The following CELF5 variants were observed in gnomAD, a reference collection of about 807,000 sequenced individuals.
The protein encoded by CELF5 is CUG-BP and ETR-3 like factor 5.
A neutral mutation model predicts 54.9 loss-of-function variants in CELF5; 6 were observed. That is an observed-to-expected ratio of 0.11 (90% CI 0.06 to 0.22). CELF5 has a LOEUF of 0.22. Ranked by LOEUF, CELF5 falls within the 10% of genes least tolerant of loss-of-function variation. The pLI is 1.00. For missense variants in CELF5, 401 were observed against 678.6 expected, an observed-to-expected ratio of 0.59 and a Z score of 4.54; for synonymous variants, 271 against 290.9, an observed-to-expected ratio of 0.93 and a Z score of 0.70.
chr19:3,275,403 C>A lies in CELF5; in HGVS notation c.395-453C>A, dbSNP rs1483259186. Among the ~76,000 whole-genome samples, 4 of 152,238 alleles carry A rather than the reference C, an allele frequency of 2.6e-5. No homozygotes were observed. Among genetic ancestry groups the A allele is most frequent in the African/African-American group, 9.6e-5 (4 of 41,464 alleles). On this transcript the variant is annotated intron_variant, in intron 3 of 12. Coordinates refer to ENST00000292672, the MANE Select transcript of CELF5 (RefSeq NM_021938.4). This position sits in a 1 kb window ranked among gnomAD's most constrained non-coding sequence, Gnocchi z 6.7. Reference sequence around the variant, plus strand: ...CTGGGCACCGTGAAAGTGCGGGGACCATCAGTGCCCACCTCCGCCTGGCAG... The same window carrying A: ...CTGGGCACCGTGAAAGTGCGGGGACAATCAGTGCCCACCTCCGCCTGGCAG...
intron 1 of CELF5, among the ~76,000 whole-genome samples, chr19:3,241,283 A>ATG (rs1397399619): frequency 1.3e-5 from 2 of 148,498 alleles, no homozygotes. Context: ...GGGTTTCACC[A>ATG]TGTTGGCCAG....
At position 3,224,680 on chromosome 19, in the gene CELF5, C is replaced by G. The variant is rs1916784633; in HGVS notation, c.-60C>G. On this transcript the variant is annotated 5_prime_UTR_variant, in exon 1 of 13. Coordinates refer to ENST00000292672, the MANE Select transcript of CELF5 (RefSeq NM_021938.4). Reference sequence around the variant, plus strand: ...GGAGGCGGGAGGCGCGGCCGCCGCTCCAGCTGCGAGTCCGCCCGCCGCCCG... The same window carrying G: ...GGAGGCGGGAGGCGCGGCCGCCGCTGCAGCTGCGAGTCCGCCCGCCGCCCG... 2.0e-6 allele frequency: 2 copies of G among 988,408 alleles called. No individual in the cohort carries two copies. The highest frequency in any genetic ancestry group is 6.2e-5 in the Admixed American group (1 of 16,030). The allele number at this position is 988,408 out of a possible 1,614,324, so 61.2% of individuals were successfully genotyped here. A position where few individuals can be genotyped will look rare whatever the true frequency, so the allele number is the denominator to read the frequency against.
chr19:3,271,955 T>C (rs1003377494), intron 2 of CELF5, among the ~76,000 whole-genome samples: 2 of 152,144 alleles, frequency 1.3e-5, no homozygotes, highest in Admixed American at 1.3e-4. Flanking sequence ...CACCATGGCC[T>C]TACACAAATA....
chr19:3,293,483 C>G lies in CELF5; in HGVS notation c.*37C>G, dbSNP rs747904741. 2.2e-5 allele frequency: 35 copies of G among 1,603,808 alleles called. No individual in the cohort carries two copies. The highest frequency in any genetic ancestry group is 1.7e-4 in the Middle Eastern group (1 of 6,002). ...GCCGCCCTGAGGCTGTAGGCATGGCCCAGGTGAGCCGCCAGGCGGCCCCAC... is the reference window on the plus strand; with the variant it reads ...GCCGCCCTGAGGCTGTAGGCATGGCGCAGGTGAGCCGCCAGGCGGCCCCAC... On this transcript the variant is annotated 3_prime_UTR_variant, in exon 12 of 13. Transcript: ENST00000292672.
rs2080093503 is a variant in CELF5 at position 3,278,481 on chromosome 19, T to C, written c.603+371T>C. 6.6e-6 allele frequency among the ~76,000 whole-genome samples: 1 copy of C among 151,584 alleles called. No individual in the cohort carries two copies. The highest frequency in any genetic ancestry group is 1.5e-5 in the Non-Finnish European group (1 of 67,920). The stretch of plus-strand genomic sequence containing the variant: ...TACTAGTAGGCGAGTGTTATGTGAG[T>C]GCTGTGTGCACGAGGGGTGTGCGTA... On this transcript the variant is annotated intron_variant, in intron 5 of 12. Coordinates refer to ENST00000292672, the MANE Select transcript of CELF5 (RefSeq NM_021938.4). This position sits in a 1 kb window ranked among gnomAD's most constrained non-coding sequence, Gnocchi z 4.5.
chr19:3,259,034 G>A (rs147132146), intron 2 of CELF5, among the ~76,000 whole-genome samples: 8 of 152,294 alleles, frequency 5.3e-5, no homozygotes, highest in Non-Finnish European at 1.0e-4. Context: ...CTGCGTGGAC[G>A]ATTTAGTGAA....
intron 1 of CELF5, among the ~76,000 whole-genome samples, chr19:3,246,873 G>A (rs140272010): frequency 2.0e-5 from 3 of 152,298 alleles, no homozygotes; most frequent in African/African-American, 7.2e-5. Context: ...ACTCCCCCAT[G>A]ATGCACACAA....
At chr19:3,242,028 G>A (rs1260467866) in intron 1 of CELF5, among the ~76,000 whole-genome samples, 1 of 152,138 alleles carries the variant, frequency 6.6e-6, no homozygotes, top group South Asian at 2.1e-4. Context: ...ACCTGCCTTG[G>A]CCTCGCAAAA....
intron 3 of CELF5, 85 bp downstream of exon 3, chr19:3,274,008 A>C: frequency 7.1e-7 from 1 of 1,403,996 alleles, no homozygotes; most frequent in Admixed American, 1.7e-5. Context: ...TCTCTCCTGC[A>C]AAAGGGGCAG....
intron 2 of CELF5, among the ~76,000 whole-genome samples, chr19:3,265,157 C>G (rs368108269): frequency 1.3e-4 from 20 of 152,212 alleles, no homozygotes; most frequent in African/African-American, 4.3e-4. Context: ...GGCAACATAG[C>G]AAGACCCCAT....
rs2079437934 is a variant in CELF5 at position 3,237,845 on chromosome 19, C to A, written c.259+12847C>A. The stretch of plus-strand genomic sequence containing the variant: ...CGGGTGGATCACGAGGTCAGGAGAT[C>A]GAGACCATCCTGGCTAATACAGTGA... On this transcript the variant is annotated intron_variant, in intron 1 of 12. Coordinates refer to ENST00000292672, the MANE Select transcript of CELF5 (RefSeq NM_021938.4). Among the ~76,000 whole-genome samples the A allele has an allele frequency of 2.7e-5, 4 of 150,052 alleles. No homozygotes were observed. The South Asian group carries it at 8.5e-4, about 32-fold the overall frequency.
At chr19:3,235,944 G>T (rs1917582896) in intron 1 of CELF5, among the ~76,000 whole-genome samples, 1 of 152,164 alleles carries the variant, frequency 6.6e-6, no homozygotes. Context: ...GAAATTTCTG[G>T]TGTAGTGATG....
At chr19:3,234,357 C>G (rs1917420331) in intron 1 of CELF5, among the ~76,000 whole-genome samples, 1 of 152,112 alleles carries the variant, frequency 6.6e-6, no homozygotes, top group African/African-American at 2.4e-5. Context: ...CCTTGGCCTC[C>G]CAAAGCATTG....
At position 3,246,233 on chromosome 19, in the gene CELF5, G is replaced by A. The variant is rs148663031; in HGVS notation, c.260-4752G>A. On this transcript the variant is annotated intron_variant, in intron 1 of 12. Transcript: ENST00000292672. Reference sequence around the variant, plus strand: ...ACAAAAGTTAGCCGGGCATGGTGGCGGACACCTGTAATCCCAGCTACTTGG... The same window carrying A: ...ACAAAAGTTAGCCGGGCATGGTGGCAGACACCTGTAATCCCAGCTACTTGG... Among the ~76,000 whole-genome samples, 297 of 152,154 alleles carry A rather than the reference G, an allele frequency of 2.0e-3. 2 individuals are homozygous for A. The East Asian group carries it at 0.022, about 11-fold the overall frequency.
chr19:3,286,840 C>T (rs1224706775), intron 10 of CELF5: 2 of 151,406 alleles, frequency 1.3e-5, no homozygotes, highest in African/African-American at 4.9e-5. Context: ...CGAGACCATC[C>T]TGGCTAACAC....
At chr19:3,251,101 CA>C (rs2079641191) in intron 2 of CELF5, 34 bp downstream of exon 2, 6 of 1,538,460 alleles carry the variant, frequency 3.9e-6, no homozygotes, top group Non-Finnish European at 5.4e-6. Flanking sequence ...GAGGAGGGGA[CA>C]GGGGATGGCT....
chr19:3,296,207 G>T (rs1463337611), intron 12 of CELF5: 1 of 151,492 alleles, frequency 6.6e-6, no homozygotes, highest in East Asian at 1.9e-4. Flanking sequence ...CCTCTGTACA[G>T]CTGCCCAATC....
rs764454988 is a variant in CELF5, at chr19:3,224,850, C to T, written c.111C>T (p.Asp37=). The T allele has an allele frequency of 2.5e-6, 4 of 1,600,636 alleles. No homozygotes were observed. The South Asian group carries it at 4.5e-5, about 18-fold the overall frequency. The stretch of plus-strand genomic sequence containing the variant: ...CCGAGCCCCCCGGGGGGCAGCCCGA[C>T]GGCATGAAGGACCTGGACGCCATCA... ...SGPEPPGGQP[D]GMKDLDAIKL... Residue 37 remains aspartate (D), a synonymous_variant, in exon 1 of 13, where the codon GAC becomes GAT. Coordinates refer to ENST00000292672, the MANE Select transcript of CELF5 (RefSeq NM_021938.4).
At chr19:3,289,903 G>C (rs1204974384) in intron 10 of CELF5, among the ~76,000 whole-genome samples, 2 of 151,936 alleles carry the variant, frequency 1.3e-5, no homozygotes, top group African/African-American at 4.8e-5. Flanking sequence ...GCCTTCCTCG[G>C]GGTTTTCAGG....
Sources: allele counts gnomAD v4.1 joint callset (sites outside exome capture counted in the v4.1 genomes callset), GRCh38; gene constraint gnomAD v4.1.1; non-coding constraint Gnocchi (gnomAD v3.1); transcripts MANE v1.5; gene names NCBI Gene and HGNC (gene_info 2026-07-23, HGNC 2026-07-21).